Variants in TUSC3 observed in about 807,000 individuals in gnomAD.
The protein encoded by TUSC3 is tumor suppressor candidate 3.
A neutral mutation model predicts 44.8 loss-of-function variants in TUSC3; 45 were observed. The ratio of observed to expected loss-of-function variants is 1.00; its 90% CI spans 0.79 to 1.29. The LOEUF (loss-of-function observed/expected upper bound fraction) is 1.29. Ranked by LOEUF, TUSC3 falls within the 50% of genes most tolerant of loss-of-function variation. The pLI, the probability that TUSC3 is intolerant of heterozygous loss-of-function variation, is 0.00. For missense variants in TUSC3, 519 were observed against 437.9 expected (o/e 1.19, Z -1.65); for synonymous variants, 212 against 152.9 (o/e 1.39, Z -2.85).
At chr8:15,823,079 C>A in the TUSC3 span, among the ~76,000 whole-genome samples, 2 of 152,064 alleles carry the variant, frequency 1.3e-5, no homozygotes, top group African/African-American at 4.8e-5. Context: ...TTCCTGTTTG[C>A]CTTAAAGTTA....
chr8:15,753,942 G>C (rs965328380), intron 9 of TUSC3, among the ~76,000 whole-genome samples: 11 of 152,062 alleles, frequency 7.2e-5, no homozygotes, highest in Non-Finnish European at 1.5e-4. Context: ...AAATAATTCT[G>C]ATAGTAGTTG....
chr8:15,804,026 T>C, the TUSC3 span, among the ~76,000 whole-genome samples: 1 of 152,342 alleles, frequency 6.6e-6, no homozygotes, highest in African/African-American at 2.4e-5. Flanking sequence ...GCATGTGTCT[T>C]TATAGTAGAA....
At chr8:15,498,879 C>A (rs927045828) in intron 2 of TUSC3, among the ~76,000 whole-genome samples, 2 of 152,194 alleles carry the variant, frequency 1.3e-5, no homozygotes, top group African/African-American at 4.8e-5. Context: ...CTAATCAGTA[C>A]AATGAATTCT....
intron 1 of TUSC3, among the ~76,000 whole-genome samples, chr8:15,561,013 C>T (rs1400847321): frequency 1.5e-5 from 2 of 132,612 alleles, no homozygotes; most frequent in African/African-American, 2.8e-5. Flanking sequence ...TCGTCAAAGT[C>T]ATTCTCCATC....
chr8:15,527,772 C>G (rs934468427), intron 2 of TUSC3, among the ~76,000 whole-genome samples: 1 of 152,172 alleles, frequency 6.6e-6, no homozygotes, highest in Middle Eastern at 3.2e-3. Flanking sequence ...AGTAACTAAG[C>G]ACTAGTTACT....
chr8:15,763,408 GTTTTC>G (rs1050568580), intron 10 of TUSC3, among the ~76,000 whole-genome samples: 13 of 149,718 alleles, frequency 8.7e-5, no homozygotes, highest in East Asian at 2.0e-4. Flanking sequence ...GTTGTTTTTT[GTTTTC>G]TTTTTTTAAG....
chr8:15,837,512 G>A, the TUSC3 span, among the ~76,000 whole-genome samples: 19 of 150,978 alleles, frequency 1.3e-4, no homozygotes, highest in African/African-American at 1.2e-4. Flanking sequence ...CCTGATTTTC[G>A]TCTTTCCCCC....
the TUSC3 span, among the ~76,000 whole-genome samples, chr8:15,793,383 G>A: frequency 6.6e-6 from 1 of 152,026 alleles, no homozygotes; most frequent in African/African-American, 2.4e-5. Flanking sequence ...CTCCAGCCTT[G>A]CACACAGCAT....
At chr8:15,750,224 C>A (rs964032031) in intron 9 of TUSC3, among the ~76,000 whole-genome samples, 4 of 151,960 alleles carry the variant, frequency 2.6e-5, no homozygotes, top group African/African-American at 9.7e-5. Context: ...CATGGTCCAC[C>A]CACCTCGGCC....
chr8:15,733,725 T>A (rs1810818733), intron 7 of TUSC3: 1 of 154,022 alleles, frequency 6.5e-6, no homozygotes. Context: ...AAGAGAAAAA[T>A]TCTTTTAAAA....
At chr8:15,620,895 A>G (rs1267569209) in intron 1 of TUSC3, among the ~76,000 whole-genome samples, 2 of 152,174 alleles carry the variant, frequency 1.3e-5, no homozygotes, top group African/African-American at 4.8e-5. Context: ...GTTTTCATAG[A>G]TACATATTTG....
At chr8:15,523,652 ATATATATATATATGTGTGTGTGTGTGTG>A (rs1383759277) in intron 2 of TUSC3, among the ~76,000 whole-genome samples, 6 of 28,356 alleles carry the variant, frequency 2.1e-4, no homozygotes, top group African/African-American at 3.4e-4. Flanking sequence ...ATATATATAT[ATATATATATATATGTGTGTGTGTGTGTG>A]TGTGTGTGTG....
the TUSC3 span, among the ~76,000 whole-genome samples, chr8:15,835,015 T>G: frequency 6.6e-6 from 1 of 152,326 alleles, no homozygotes; most frequent in Non-Finnish European, 1.5e-5. Context: ...GAAGCATGAC[T>G]GTAAGCTGGA....
intron 7 of TUSC3, among the ~76,000 whole-genome samples, chr8:15,738,621 A>G (rs1356735965): frequency 1.3e-5 from 2 of 152,218 alleles, no homozygotes; most frequent in East Asian, 3.9e-4. Context: ...TCTGCTCTAT[A>G]GGCTGTGGTC....
At position 15,766,510 on chromosome 8, in the gene TUSC3, C is replaced by T. The variant is rs1812330256; in HGVS notation, c.*2354C>T. The T allele has an allele frequency of 6.9e-6, 1 of 144,568 alleles. No individual in the cohort carries two copies. The highest frequency in any genetic ancestry group is 2.5e-5 in the African/African-American group (1 of 40,762). 9.0% of individuals were successfully genotyped at this position (144,568 alleles called of 1,614,324 possible). A position where few individuals can be genotyped will look rare whatever the true frequency, so the allele number is the denominator to read the frequency against. ...ATGTTTAACAATTGTTTTTCTACTA[C>T]AGTGGAGAGAAAAATCCCAATTATA... On this transcript the variant is annotated 3_prime_UTR_variant, in exon 11 of 11. Coordinates refer to ENST00000503731, the MANE Select transcript of TUSC3 (RefSeq NM_006765.4).
chr8:15,654,872 A>G (rs1190578659), intron 3 of TUSC3, among the ~76,000 whole-genome samples: 5 of 152,190 alleles, frequency 3.3e-5, no homozygotes, highest in African/African-American at 1.2e-4. Context: ...TATCCTGGTA[A>G]TGAAGTGTCT....
intron 1 of TUSC3, among the ~76,000 whole-genome samples, chr8:15,573,158 T>TCC (rs1802942233): frequency 9.0e-6 from 1 of 110,760 alleles, no homozygotes; most frequent in Non-Finnish European, 1.8e-5. Context: ...CAGTATAGTG[T>TCC]TCTCTCTCTT....
At chr8:15,674,414 A>G (rs1808091091) in intron 6 of TUSC3, among the ~76,000 whole-genome samples, 1 of 152,072 alleles carries the variant, frequency 6.6e-6, no homozygotes, top group Admixed American at 6.6e-5. Context: ...AAATCAACAT[A>G]GAAACATACT....
At chr8:15,830,881 G>A in the TUSC3 span, among the ~76,000 whole-genome samples, 1 of 152,280 alleles carries the variant, frequency 6.6e-6, no homozygotes. Flanking sequence ...TAACAAACCT[G>A]TGCATGTACC....
Sources: allele counts gnomAD v4.1 joint callset (sites outside exome capture counted in the v4.1 genomes callset), GRCh38; gene constraint gnomAD v4.1.1; transcripts MANE v1.5; gene names NCBI Gene and HGNC (gene_info 2026-07-23, HGNC 2026-07-21).